SLC39A10: variants seen among roughly 807,000 people sequenced by gnomAD.
The protein encoded by SLC39A10 is zinc transporter ZIP10.
In SLC39A10, 13 loss-of-function variants were observed where a neutral mutation model predicts 65.1. The ratio of observed to expected loss-of-function variants is 0.20; its 90% CI spans 0.13 to 0.32. The LOEUF is 0.32. SLC39A10 is among the 10% of genes least tolerant of loss of function. SLC39A10 has a pLI of 1.00. For synonymous variants in SLC39A10, 321 were observed against 342.2 expected (o/e 0.94, Z 0.68); for missense variants, 831 against 1,018.4 (o/e 0.82, Z 2.50).
At chr2:195,651,242 C>T (rs9917207) in intron 2 of SLC39A10, among the ~76,000 whole-genome samples, 46,909 of 151,902 alleles carry the variant, frequency 0.31, 7,690 homozygotes, top group East Asian at 0.59. Flanking sequence ...AAAAGACTAC[C>T]GCATGGGTCC....
At chr2:195,698,981 T>A (rs1040107571) in intron 3 of SLC39A10, among the ~76,000 whole-genome samples, 7 of 152,034 alleles carry the variant, frequency 4.6e-5, no homozygotes, top group Admixed American at 3.9e-4. Context: ...TCTTACCAGT[T>A]ATAGTCTATT....
At position 195,716,521 on chromosome 2, in the gene SLC39A10, A is replaced by G. The variant is rs1181421586; in HGVS notation, c.1697-116A>G. 1.3e-5 allele frequency: 10 copies of G among 780,232 alleles called. No homozygotes were observed. The East Asian group carries it at 2.7e-4, about 21-fold the overall frequency. The allele number at this position is 780,232 out of a possible 1,614,324, so 48.3% of individuals were successfully genotyped here. A position where few individuals can be genotyped will look rare whatever the true frequency, so the allele number is the denominator to read the frequency against. ...TCTAAATAATTTTAGGAAATTATTT[A>G]AGAATTCTAAAAGACATTCACTTAA... is the stretch of plus-strand genomic sequence containing the variant. On this transcript the variant is annotated intron_variant, in intron 6 of 9. Coordinates refer to ENST00000359634, the MANE Select transcript of SLC39A10 (RefSeq NM_020342.3).
At chr2:195,623,807 T>C (rs10931702) in intron 2 of SLC39A10, among the ~76,000 whole-genome samples, 61,731 of 151,788 alleles carry the variant, frequency 0.41, 14,225 homozygotes, top group Non-Finnish European at 0.53. Flanking sequence ...ACACTGTGAA[T>C]ATGCTTGTAA....
At chr2:195,701,435 C>CT (rs66525117) in intron 3 of SLC39A10, among the ~76,000 whole-genome samples, 2 of 5,492 alleles carry the variant, frequency 3.6e-4, no homozygotes, top group African/African-American at 1.7e-3. Flanking sequence ...TTCTGTGATT[C>CT]TTTTTTTTTT....
intron 8 of SLC39A10, 66 bp downstream of exon 8, chr2:195,718,398 T>C: frequency 8.1e-7 from 1 of 1,229,264 alleles, no homozygotes. Flanking sequence ...TGTAATTGCA[T>C]TCAAATTTCA....
intron 8 of SLC39A10, among the ~76,000 whole-genome samples, chr2:195,726,719 A>G (rs1692252976): frequency 6.6e-6 from 1 of 152,194 alleles, no homozygotes; most frequent in African/African-American, 2.4e-5. Flanking sequence ...ACCTTGCAGT[A>G]ATTTCTTTAT....
intron 2 of SLC39A10, among the ~76,000 whole-genome samples, chr2:195,644,927 G>T (rs865899691): frequency 7.8e-5 from 4 of 51,188 alleles, no homozygotes; most frequent in East Asian, 3.6e-4. Context: ...TATTTATTTA[G>T]AGGCAGAGTT....
intron 3 of SLC39A10, among the ~76,000 whole-genome samples, chr2:195,692,394 A>G (rs1240260318): frequency 6.6e-6 from 1 of 151,920 alleles, no homozygotes; most frequent in Non-Finnish European, 1.5e-5. Flanking sequence ...TGATGATGGT[A>G]TTTTGATGGA....
Position 195,683,915 on chromosome 2 carries a change from G to C in SLC39A10, c.1216+9G>C. The stretch of plus-strand genomic sequence containing the variant: ...AAATATAGGGGCATCAGGTAAGAGA[G>C]ATTTTAAGTTTTTTCTCCTTAAAAT... On this transcript the variant is annotated intron_variant, in intron 3 of 9. Coordinates refer to ENST00000359634, the MANE Select transcript of SLC39A10 (RefSeq NM_020342.3). 2 of 1,599,624 alleles carry C rather than the reference G, an allele frequency of 1.3e-6. No individual in the cohort carries two copies. The highest frequency in any genetic ancestry group is 1.7e-6 in the Non-Finnish European group (2 of 1,172,762).
chr2:195,701,897 G>A (rs964788790), intron 3 of SLC39A10, among the ~76,000 whole-genome samples: 1 of 152,002 alleles, frequency 6.6e-6, no homozygotes, highest in African/African-American at 2.4e-5. Flanking sequence ...GCCCAGGCTG[G>A]TCTCAAACGC....
chr2:195,620,131 T>A (rs748593414), intron 2 of SLC39A10, among the ~76,000 whole-genome samples: 20 of 151,900 alleles, frequency 1.3e-4, no homozygotes, highest in Non-Finnish European at 2.9e-4. Context: ...ACCATGTTGG[T>A]CAGGCTGGTC....
intron 3 of SLC39A10, among the ~76,000 whole-genome samples, chr2:195,690,196 A>AAG (rs1553502448): frequency 7.0e-5 from 10 of 142,552 alleles, no homozygotes; most frequent in South Asian, 2.2e-4. Flanking sequence ...AAAAAAAAAA[A>AAG]AAAGAAAGAA....
intron 3 of SLC39A10, among the ~76,000 whole-genome samples, chr2:195,705,616 T>C (rs1210313506): frequency 2.7e-5 from 4 of 149,630 alleles, no homozygotes; most frequent in African/African-American, 1.0e-4. Flanking sequence ...TAATATAAAG[T>C]CTTTCAGCAG....
intron 2 of SLC39A10, among the ~76,000 whole-genome samples, chr2:195,623,596 G>C (rs914829592): frequency 6.6e-6 from 1 of 152,150 alleles, no homozygotes; most frequent in Non-Finnish European, 1.5e-5. Flanking sequence ...GCTAAAGTTT[G>C]AGGCAATCCA....
intron 1 of SLC39A10, chr2:195,674,539 A>G: frequency 1.0e-6 from 1 of 972,920 alleles, no homozygotes; most frequent in African/African-American, 1.8e-5. Context: ...GGCCTCCCAA[A>G]GTACTGGGAT....
At chr2:195,713,784 T>C (rs1392544666) in intron 6 of SLC39A10, among the ~76,000 whole-genome samples, 5 of 152,244 alleles carry the variant, frequency 3.3e-5, no homozygotes, top group Admixed American at 3.3e-4. Context: ...AACAACAGTT[T>C]AAAGAGCAAA....
chr2:195,666,015 G>GT (rs1272922300), intron 1 of SLC39A10, among the ~76,000 whole-genome samples: 6 of 151,828 alleles, frequency 4.0e-5, no homozygotes, highest in Non-Finnish European at 7.4e-5. Context: ...GCACAACTTT[G>GT]TTTTTTCTGG....
At chr2:195,704,763 G>T (rs1691333878) in intron 3 of SLC39A10, among the ~76,000 whole-genome samples, 1 of 151,838 alleles carries the variant, frequency 6.6e-6, no homozygotes, top group African/African-American at 2.4e-5. Flanking sequence ...AGCAATCACT[G>T]CCCCACCCCT....
chr2:195,651,193 A>G (rs773160529), intron 2 of SLC39A10, among the ~76,000 whole-genome samples: 10 of 152,174 alleles, frequency 6.6e-5, no homozygotes, highest in Non-Finnish European at 1.2e-4. Context: ...GAGCTTGCCA[A>G]AAATGAGATG....
Sources: allele counts gnomAD v4.1 joint callset (sites outside exome capture counted in the v4.1 genomes callset), GRCh38; gene constraint gnomAD v4.1.1; transcripts MANE v1.5; gene names NCBI Gene and HGNC (gene_info 2026-07-23, HGNC 2026-07-21).